Variants in GLIS3 observed in about 807,000 individuals in gnomAD.
The protein encoded by GLIS3 is GLIS family zinc finger 3.
In GLIS3, 53 loss-of-function variants were observed where a neutral mutation model predicts 78.6. The ratio of observed to expected loss-of-function variants is 0.67; its 90% CI spans 0.54 to 0.85. The LOEUF is 0.85. GLIS3 is among the 40% of genes least tolerant of loss of function. The pLI is 0.00. For synonymous variants in GLIS3, 684 were observed against 509.9 expected (o/e 1.34, Z -4.60); for missense variants, 1,703 against 1,231.1 (o/e 1.38, Z -5.74).
At chr9:4,449,521 G>A in the GLIS3 span, among the ~76,000 whole-genome samples, 4 of 152,226 alleles carry the variant, frequency 2.6e-5, no homozygotes, top group Non-Finnish European at 4.4e-5. Flanking sequence ...GCCTCCTCAA[G>A]TGGGTCCCTG....
chr9:4,489,773 C>A, the GLIS3 span, among the ~76,000 whole-genome samples: 1 of 152,146 alleles, frequency 6.6e-6, no homozygotes, highest in Non-Finnish European at 1.5e-5. Flanking sequence ...GGTCACAGAG[C>A]AAGTCCCAAG....
chr9:4,062,493 G>C (rs1159904471), intron 4 of GLIS3, among the ~76,000 whole-genome samples: 1 of 152,314 alleles, frequency 6.6e-6, no homozygotes, highest in East Asian at 1.9e-4. Context: ...TGAGGGACTA[G>C]TGTCAACCAT....
intron 2 of GLIS3, among the ~76,000 whole-genome samples, chr9:4,222,155 G>A (rs890674762): frequency 6.6e-6 from 1 of 152,204 alleles, no homozygotes; most frequent in African/African-American, 2.4e-5. Context: ...TCAGTGAGAT[G>A]ATGAGTGTTC....
chr9:4,081,332 T>C (rs1044702867), intron 4 of GLIS3: 1 of 152,268 alleles, frequency 6.6e-6, no homozygotes, highest in Non-Finnish European at 1.5e-5. Context: ...ATATACTTAC[T>C]GCAATGGCAG....
intron 6 of GLIS3, chr9:3,901,380 T>C (rs563890675): frequency 4.6e-5 from 7 of 152,482 alleles, no homozygotes; most frequent in African/African-American, 1.7e-4. Flanking sequence ...TTTCCAAACT[T>C]TCCATGCAAT....
the GLIS3 span, among the ~76,000 whole-genome samples, chr9:4,412,446 C>T: frequency 6.6e-6 from 1 of 152,098 alleles, no homozygotes; most frequent in Non-Finnish European, 1.5e-5. Context: ...CTAGTGTAAC[C>T]TAAGACACAA....
At chr9:4,335,485 A>G (rs1456434327) in intron 2 of GLIS3, among the ~76,000 whole-genome samples, 1 of 152,208 alleles carries the variant, frequency 6.6e-6, no homozygotes, top group Non-Finnish European at 1.5e-5. Flanking sequence ...CATCTGAATT[A>G]TCACTTCTGC....
rs554066982 is a variant in GLIS3, at chr9:4,187,747, T to C, written c.389-61806A>G. On this transcript the variant is annotated intron_variant, in intron 2 of 10. Coordinates refer to ENST00000381971, the MANE Select transcript of GLIS3 (RefSeq NM_001042413.2). ...AGTTGGATTCCTAGGTATTTTATTC[T>C]CTTTGAAGCAACTGTGAATGGGAGT... 1.5e-3 allele frequency among the ~76,000 whole-genome samples: 235 copies of C among 152,326 alleles called. 2 individuals are homozygous for C. Among genetic ancestry groups the C allele is most frequent in the Admixed American group, 3.3e-3 (50 of 15,298 alleles).
intron 8 of GLIS3, among the ~76,000 whole-genome samples, chr9:3,874,108 C>T (rs911054849): frequency 2.0e-5 from 3 of 152,184 alleles, no homozygotes; most frequent in African/African-American, 7.2e-5. Flanking sequence ...CTCTGGCTGC[C>T]TGAAAGAATG....
At chr9:4,376,643 T>C in the GLIS3 span, among the ~76,000 whole-genome samples, 1 of 134,824 alleles carries the variant, frequency 7.4e-6, no homozygotes, top group Non-Finnish European at 1.7e-5. Context: ...ATACATCTTA[T>C]AAAAGAAGAA....
intron 4 of GLIS3, among the ~76,000 whole-genome samples, chr9:3,998,071 T>C (rs1490214339): frequency 6.6e-6 from 1 of 152,204 alleles, no homozygotes; most frequent in Non-Finnish European, 1.5e-5. Context: ...TTGCCTTACA[T>C]GACTGTGGAA....
intron 2 of GLIS3, among the ~76,000 whole-genome samples, chr9:4,324,630 A>G (rs1016404154): frequency 7.2e-5 from 11 of 152,220 alleles, no homozygotes; most frequent in Admixed American, 1.3e-4. Flanking sequence ...ATCTTCTCAA[A>G]AAGAGACTGA....
intron 4 of GLIS3, among the ~76,000 whole-genome samples, chr9:3,988,419 C>T (rs952467842): frequency 1.3e-4 from 20 of 152,084 alleles, no homozygotes; most frequent in Admixed American, 6.5e-4. Flanking sequence ...ATACTCAAGA[C>T]GATGATAAAA....
chr9:4,173,458 T>A (rs936603922), intron 2 of GLIS3, among the ~76,000 whole-genome samples: 5 of 152,064 alleles, frequency 3.3e-5, no homozygotes, highest in Non-Finnish European at 5.9e-5. Context: ...CTTGGAACAA[T>A]GTGGGGCATA....
At chr9:4,170,885 G>A (rs1193285404) in intron 2 of GLIS3, among the ~76,000 whole-genome samples, 1 of 152,102 alleles carries the variant, frequency 6.6e-6, no homozygotes, top group Non-Finnish European at 1.5e-5. Context: ...ATCCTACCTA[G>A]AGACAGGCAG....
chr9:4,438,909 A>T, the GLIS3 span, among the ~76,000 whole-genome samples: 1 of 152,230 alleles, frequency 6.6e-6, no homozygotes, highest in Non-Finnish European at 1.5e-5. Context: ...CTTTATTAGC[A>T]GCGTGAGAAC....
chr9:4,419,601 G>T, the GLIS3 span, among the ~76,000 whole-genome samples: 4 of 152,040 alleles, frequency 2.6e-5, no homozygotes, highest in African/African-American at 9.7e-5. Context: ...CCAATATTGT[G>T]AAACCCCATC....
At chr9:4,116,062 T>C (rs1361392018) in intron 4 of GLIS3, among the ~76,000 whole-genome samples, 2 of 152,266 alleles carry the variant, frequency 1.3e-5, no homozygotes, top group South Asian at 2.1e-4. Flanking sequence ...TAAAAAGTTA[T>C]ATGTCTTTGC....
At chr9:4,364,728 T>TA in the GLIS3 span, among the ~76,000 whole-genome samples, 1 of 137,132 alleles carries the variant, frequency 7.3e-6, no homozygotes, top group Non-Finnish European at 1.6e-5. Flanking sequence ...ATATATATAT[T>TA]ATGTATTCAT....
Sources: allele counts gnomAD v4.1 joint callset (sites outside exome capture counted in the v4.1 genomes callset), GRCh38; gene constraint gnomAD v4.1.1; transcripts MANE v1.5; gene names NCBI Gene and HGNC (gene_info 2026-07-23, HGNC 2026-07-21).